The following PLD5 variants were observed in gnomAD, a reference collection of about 807,000 sequenced individuals.
PLD5 encodes phospholipase D family member 5.
In PLD5, 36 loss-of-function variants were observed where a neutral mutation model predicts 61.1. The ratio of observed to expected loss-of-function variants is 0.59; its 90% CI spans 0.45 to 0.78. PLD5 has a LOEUF of 0.78. Ranked by LOEUF, PLD5 falls within the 30% of genes least tolerant of loss-of-function variation. The pLI, the probability that PLD5 is intolerant of heterozygous loss-of-function variation, is 0.00. For synonymous variants in PLD5, 243 were observed against 242.8 expected (o/e 1.00, Z -0.01); for missense variants, 515 against 644.4 (o/e 0.80, Z 2.17).
chr1:242,264,106 T>G (rs1233033694), intron 4 of PLD5, among the ~76,000 whole-genome samples: 3 of 151,670 alleles, frequency 2.0e-5, no homozygotes, highest in African/African-American at 7.3e-5. Context: ...AAGTAATCAA[T>G]TCCTCAGAAA....
chr1:242,232,645 C>T lies in PLD5; in HGVS notation c.608-12530G>A, dbSNP rs140102579. On this transcript the variant is annotated intron_variant, in intron 4 of 9. Transcript: ENST00000536534. ...ATCACTTGAGGTCAGGAGTTCGAGA[C>T]TAGCCTGGCCAACATGATGAAACCC... Among the ~76,000 whole-genome samples the T allele has an allele frequency of 3.7e-4, 57 of 152,172 alleles. No individual in the cohort carries two copies. The East Asian group carries it at 0.01, about 27-fold the overall frequency.
chr1:242,483,479 T>C (rs1667854158), intron 1 of PLD5, among the ~76,000 whole-genome samples: 1 of 152,036 alleles, frequency 6.6e-6, no homozygotes, highest in Non-Finnish European at 1.5e-5. Flanking sequence ...TACATAGTGG[T>C]AAAGGGATCA....
chr1:242,444,229 C>A (rs1420388062), intron 1 of PLD5, among the ~76,000 whole-genome samples: 1 of 152,148 alleles, frequency 6.6e-6, no homozygotes, highest in Non-Finnish European at 1.5e-5. Flanking sequence ...TCAAAGCCAA[C>A]CAACACATTC....
At chr1:242,418,683 G>A (rs1011771968) in intron 1 of PLD5, among the ~76,000 whole-genome samples, 1 of 152,142 alleles carries the variant, frequency 6.6e-6, no homozygotes, top group Admixed American at 6.5e-5. Context: ...AACTGAGAAC[G>A]TGTGGGCTTT....
At chr1:242,183,633 C>T (rs1388481129) in intron 5 of PLD5, among the ~76,000 whole-genome samples, 2 of 152,174 alleles carry the variant, frequency 1.3e-5, no homozygotes, top group Non-Finnish European at 2.9e-5. Context: ...CGGTGGCTCA[C>T]GCCTGTAATC....
At chr1:242,148,859 TA>T (rs1170886658) in intron 5 of PLD5, among the ~76,000 whole-genome samples, 11 of 151,960 alleles carry the variant, frequency 7.2e-5, no homozygotes, top group African/African-American at 2.7e-4. Context: ...TTAATTTTTG[TA>T]TACTGATCTT....
chr1:242,463,821 C>G (rs553616181), intron 1 of PLD5, among the ~76,000 whole-genome samples: 1 of 152,058 alleles, frequency 6.6e-6, no homozygotes, highest in African/African-American at 2.4e-5. Context: ...CATTAGCATA[C>G]AGAATACTAT....
intron 5 of PLD5, among the ~76,000 whole-genome samples, chr1:242,195,195 G>A (rs1430454193): frequency 2.0e-5 from 3 of 152,160 alleles, no homozygotes; most frequent in Admixed American, 1.3e-4. Context: ...GAAGCGAGCC[G>A]CCGTCACCTA....
chr1:242,249,620 A>G (rs374918443), intron 4 of PLD5, among the ~76,000 whole-genome samples: 1 of 152,216 alleles, frequency 6.6e-6, no homozygotes, highest in Non-Finnish European at 1.5e-5. Context: ...TTAATTAGCC[A>G]TATGGATGAG....
intron 2 of PLD5, among the ~76,000 whole-genome samples, chr1:242,291,453 AG>A: frequency 6.6e-6 from 1 of 152,228 alleles, no homozygotes; most frequent in South Asian, 2.1e-4. Flanking sequence ...GAGTGTCCAA[AG>A]AATGCATATT....
At chr1:242,341,332 T>C (rs1280102376) in intron 2 of PLD5, among the ~76,000 whole-genome samples, 3 of 152,136 alleles carry the variant, frequency 2.0e-5, no homozygotes, top group Non-Finnish European at 4.4e-5. Flanking sequence ...AAGTGGTCTC[T>C]CAATAGTGTC....
intron 1 of PLD5, among the ~76,000 whole-genome samples, chr1:242,426,434 T>C (rs1665431987): frequency 6.6e-6 from 1 of 152,228 alleles, no homozygotes; most frequent in Non-Finnish European, 1.5e-5. Context: ...TATTATGCCC[T>C]GCATGTCAGG....
chr1:242,488,641 G>T (rs946998215), intron 1 of PLD5, among the ~76,000 whole-genome samples: 1 of 152,080 alleles, frequency 6.6e-6, no homozygotes, highest in Non-Finnish European at 1.5e-5. Flanking sequence ...TATTGTGTAG[G>T]ATATTATGAC....
Position 242,107,815 on chromosome 1 carries a change from T to C in PLD5, c.1095A>G (p.Ala365=). Residue 365 remains alanine (A), a synonymous_variant, in exon 8 of 10, where the codon GCA becomes GCG. Transcript: ENST00000536534. ...GTAAAACTAATGCTTCTCTTATTTT[T>C]GCATCCAAGTCTGGCCAGTAAGTCC... The part of the protein sequence containing the change: ...TKRTYWPDLD[A]KIREALVLRS... 2 of 1,604,690 alleles carry C rather than the reference T, an allele frequency of 1.2e-6. No homozygotes were observed. The highest frequency in any genetic ancestry group is 2.3e-5 in the South Asian group (2 of 88,476).
intron 4 of PLD5, among the ~76,000 whole-genome samples, chr1:242,241,948 T>G (rs392351): frequency 0.16 from 20,420 of 130,496 alleles, 2,349 homozygotes; most frequent in Non-Finnish European, 0.23. Flanking sequence ...ATATATATAC[T>G]ACTTATATAT....
At chr1:242,240,574 G>T (rs1671936458) in intron 4 of PLD5, among the ~76,000 whole-genome samples, 1 of 152,092 alleles carries the variant, frequency 6.6e-6, no homozygotes, top group South Asian at 2.1e-4. Flanking sequence ...AAGATACATG[G>T]TTCTGCAAAA....
intron 5 of PLD5, among the ~76,000 whole-genome samples, chr1:242,209,957 G>A (rs1009130876): frequency 6.6e-6 from 1 of 152,150 alleles, no homozygotes; most frequent in Non-Finnish European, 1.5e-5. Context: ...ACTACATCCA[G>A]CTAATTTTTG....
At chr1:242,377,938 A>G (rs1662058540) in intron 1 of PLD5, among the ~76,000 whole-genome samples, 1 of 152,208 alleles carries the variant, frequency 6.6e-6, no homozygotes, top group African/African-American at 2.4e-5. Context: ...TGTTGCAACC[A>G]CTGTGAAAGA....
intron 1 of PLD5, among the ~76,000 whole-genome samples, chr1:242,370,483 T>G (rs756851421): frequency 1.8e-4 from 28 of 151,758 alleles, no homozygotes; most frequent in South Asian, 4.2e-4. Flanking sequence ...ATTCTAATAG[T>G]ACAGAGGGCT....
Sources: gnomAD v4.1 joint callset for allele counts (sites outside exome capture counted in the v4.1 genomes callset) on GRCh38, gnomAD v4.1.1 for gene constraint, MANE v1.5 for transcripts, NCBI Gene and HGNC (gene_info 2026-07-23, HGNC 2026-07-21) for gene names.